The following IL1RAPL1 variants were observed in gnomAD, a reference collection of about 807,000 sequenced individuals.
The protein encoded by IL1RAPL1 is interleukin-1 receptor accessory protein-like 1.
Under a neutral mutation model 48.4 loss-of-function variants are expected in IL1RAPL1, and 3 were observed. That is an observed-to-expected ratio of 0.06 (90% confidence interval 0.03 to 0.16). IL1RAPL1 has a LOEUF of 0.16. IL1RAPL1 is among the 10% of genes least tolerant of loss of function. The pLI is 1.00. For synonymous variants in IL1RAPL1, 185 were observed against 187.7 expected (o/e 0.99, Z 0.12); for missense variants, 349 against 530.6 (o/e 0.66, Z 3.36).
intron 6 of IL1RAPL1, among the ~76,000 whole-genome samples, chrX:29,878,838 T>C (rs1931963725): frequency 9.0e-6 from 1 of 111,599 alleles, no homozygotes; most frequent in Non-Finnish European, 1.9e-5. Flanking sequence ...TTAAAATATA[T>C]TGTATCTCTT....
At chrX:29,197,090 G>A (rs749928590) in intron 2 of IL1RAPL1, among the ~76,000 whole-genome samples, 1 of 109,857 alleles carries the variant, frequency 9.1e-6, no homozygotes, top group Non-Finnish European at 1.9e-5. Context: ...GGCCCTTTAG[G>A]TTACATCTAT....
In IL1RAPL1 at chrX:29,309,137, C is replaced by T. The variant is rs916915786; in HGVS notation, c.362+25920C>T. ...TTAGTCAAAGCGATACTGCACCAGG[C>T]ATTTGTTAAAAAAATGGCAAGGAAA... On this transcript the variant is annotated intron_variant, in intron 3 of 10. Coordinates refer to ENST00000378993, the MANE Select transcript of IL1RAPL1 (RefSeq NM_014271.4). 6.2e-5 allele frequency among the ~76,000 whole-genome samples: 7 copies of T among 112,134 alleles called. No individual in the cohort carries two copies. In the South Asian group the frequency reaches 2.6e-3, roughly 41 times the overall value.
intron 2 of IL1RAPL1, among the ~76,000 whole-genome samples, chrX:29,136,267 A>G (rs1035487650): frequency 4.6e-5 from 5 of 108,448 alleles, no homozygotes; most frequent in African/African-American, 1.7e-4. Flanking sequence ...AGCTGGGATT[A>G]TAGGCATGCA....
chrX:29,021,368 C>T (rs1926365671), intron 2 of IL1RAPL1, among the ~76,000 whole-genome samples: 1 of 110,464 alleles, frequency 9.1e-6, no homozygotes, highest in Admixed American at 9.7e-5. Context: ...AAAGCTGGCC[C>T]TTTAGTGGTA....
intron 5 of IL1RAPL1, among the ~76,000 whole-genome samples, chrX:29,461,240 C>T (rs751950376): frequency 9.0e-6 from 1 of 111,624 alleles, no homozygotes; most frequent in Admixed American, 9.6e-5. Context: ...TACCACATTG[C>T]ACCCACTAGA....
chrX:29,111,252 C>T (rs953713590), intron 2 of IL1RAPL1, among the ~76,000 whole-genome samples: 1 of 111,828 alleles, frequency 8.9e-6, no homozygotes, highest in Middle Eastern at 4.2e-3. Flanking sequence ...ATTTGTCATT[C>T]TCTTCCTTTA....
intron 2 of IL1RAPL1, among the ~76,000 whole-genome samples, chrX:28,950,036 A>T (rs1325099019): frequency 1.8e-5 from 2 of 108,710 alleles, no homozygotes; most frequent in Non-Finnish European, 3.8e-5. Flanking sequence ...CTGAATGGTA[A>T]TGCCTAGGTT....
intron 3 of IL1RAPL1, among the ~76,000 whole-genome samples, chrX:29,333,854 C>G (rs1602177606): frequency 2.3e-5 from 2 of 86,429 alleles, no homozygotes; most frequent in Non-Finnish European, 4.7e-5. Flanking sequence ...AGGGGCTCCT[C>G]ACTTCCCAGT....
At chrX:29,052,234 G>A (rs1199794620) in intron 2 of IL1RAPL1, among the ~76,000 whole-genome samples, 6 of 110,980 alleles carry the variant, frequency 5.4e-5, no homozygotes, top group African/African-American at 1.3e-4. Flanking sequence ...TCACTGTGTC[G>A]AGGATGTCTA....
intron 2 of IL1RAPL1, among the ~76,000 whole-genome samples, chrX:29,153,468 C>T (rs141832281): frequency 9.7e-4 from 108 of 111,781 alleles, no homozygotes; most frequent in African/African-American, 3.2e-3. Flanking sequence ...ACCCTTATCT[C>T]GTAAAATATT....
At chrX:29,027,186 A>G (rs1926504455) in intron 2 of IL1RAPL1, among the ~76,000 whole-genome samples, 1 of 112,107 alleles carries the variant, frequency 8.9e-6, no homozygotes. Flanking sequence ...TCTGTGCTCT[A>G]CCTATCCATC....
At chrX:29,570,768 T>C (rs1396221289) in intron 5 of IL1RAPL1, among the ~76,000 whole-genome samples, 1 of 112,355 alleles carries the variant, frequency 8.9e-6, no homozygotes, top group Non-Finnish European at 1.9e-5. Flanking sequence ...TACTGAGCAC[T>C]ACGTTACATT....
At chrX:29,743,513 G>C (rs1341171949) in intron 6 of IL1RAPL1, among the ~76,000 whole-genome samples, 1 of 111,329 alleles carries the variant, frequency 9.0e-6, no homozygotes, top group African/African-American at 3.3e-5. Flanking sequence ...TTGAGACAGA[G>C]CCTCGCTCTG....
intron 3 of IL1RAPL1, among the ~76,000 whole-genome samples, chrX:29,382,649 G>A (rs1360746815): frequency 8.9e-6 from 1 of 112,077 alleles, no homozygotes; most frequent in Non-Finnish European, 1.9e-5. Flanking sequence ...AGCAGAGTCA[G>A]TAACAGATAA....
At chrX:28,997,213 T>G (rs898912030) in intron 2 of IL1RAPL1, among the ~76,000 whole-genome samples, 1 of 111,647 alleles carries the variant, frequency 9.0e-6, no homozygotes, top group African/African-American at 3.3e-5. Context: ...GCCAAAAACC[T>G]GATGCATTTG....
At position 29,696,652 on chromosome X, in the gene IL1RAPL1, C is replaced by A. The variant is rs190384840; in HGVS notation, c.778+28148C>A. Among the ~76,000 whole-genome samples, 431 of 111,887 alleles carry A rather than the reference C, an allele frequency of 3.9e-3. 2 individuals are homozygous for A. The highest frequency in any genetic ancestry group is 6.6e-3 in the Non-Finnish European group (352 of 53,203). ...TCTGATGCTCTTTCCAATATCGTTG[C>A]TTACCGCAGTTGGTCAACATGAGCT... is the stretch of plus-strand genomic sequence containing the variant. On this transcript the variant is annotated intron_variant, in intron 6 of 10. Transcript: ENST00000378993.
intron 2 of IL1RAPL1, among the ~76,000 whole-genome samples, chrX:29,089,361 T>A (rs1001475547): frequency 9.0e-6 from 1 of 111,009 alleles, no homozygotes; most frequent in Non-Finnish European, 1.9e-5. Flanking sequence ...CTCATCACCT[T>A]ACATAGTTAA....
At chrX:29,330,385 G>C (rs1932875071) in intron 3 of IL1RAPL1, among the ~76,000 whole-genome samples, 1 of 111,397 alleles carries the variant, frequency 9.0e-6, no homozygotes, top group Non-Finnish European at 1.9e-5. Flanking sequence ...CCCTTCCCCG[G>C]TTTAGGGCTA....
chrX:29,103,937 G>C (rs1325579204), intron 2 of IL1RAPL1, among the ~76,000 whole-genome samples: 1 of 111,777 alleles, frequency 8.9e-6, no homozygotes, highest in Non-Finnish European at 1.9e-5. Context: ...TCCCACCCCA[G>C]TTAAAATGGG....
Sources: allele counts gnomAD v4.1 joint callset (sites outside exome capture counted in the v4.1 genomes callset), GRCh38; gene constraint gnomAD v4.1.1; transcripts MANE v1.5; gene names NCBI Gene and HGNC (gene_info 2026-07-23, HGNC 2026-07-21).